Variants in NALF1 observed in about 807,000 individuals in gnomAD.
NALF1 encodes NALCN channel auxiliary factor 1, also known as family with sequence similarity 155 member A.
A neutral mutation model predicts 48.4 loss-of-function variants in NALF1; 3 were observed. The observed-to-expected ratio is 0.06, with a 90% confidence interval of 0.03 to 0.16. The LOEUF (loss-of-function observed/expected upper bound fraction) is 0.16, where lower values mean the gene tolerates loss of function less well. Among genes scored for constraint, NALF1 ranks in the 10% least tolerant of loss-of-function variants. NALF1 has a pLI of 1.00. For synonymous variants in NALF1, 262 were observed against 245.7 expected, an observed-to-expected ratio of 1.07 and a Z score of -0.62; for missense variants, 526 against 571.5, an observed-to-expected ratio of 0.92 and a Z score of 0.81.
chr13:107,386,698 T>C (rs1883536808), intron 1 of NALF1, among the ~76,000 whole-genome samples: 1 of 152,194 alleles, frequency 6.6e-6, no homozygotes, highest in Non-Finnish European at 1.5e-5. Flanking sequence ...TATGACACTG[T>C]CACAAATATG....
intron 1 of NALF1, among the ~76,000 whole-genome samples, chr13:107,257,781 T>C (rs1462636691): frequency 6.6e-6 from 1 of 151,850 alleles, no homozygotes; most frequent in African/African-American, 2.4e-5. Flanking sequence ...GTGATGGTGG[T>C]GGGAGGTAGG....
intron 1 of NALF1, among the ~76,000 whole-genome samples, chr13:107,564,585 A>G (rs963985149): frequency 1.3e-5 from 2 of 152,176 alleles, no homozygotes; most frequent in African/African-American, 4.8e-5. Flanking sequence ...CTGGACGCTG[A>G]TATTCTTCTG....
At chr13:107,249,419 TA>T (rs1277149581) in intron 1 of NALF1, among the ~76,000 whole-genome samples, 1 of 152,104 alleles carries the variant, frequency 6.6e-6, no homozygotes, top group Non-Finnish European at 1.5e-5. Context: ...TTCAGACAAA[TA>T]AAATTGCAAA....
intron 1 of NALF1, among the ~76,000 whole-genome samples, chr13:107,649,139 A>ATTCTC (rs1880385872): frequency 6.6e-6 from 1 of 152,124 alleles, no homozygotes; most frequent in Admixed American, 6.6e-5. Flanking sequence ...TTATTTCTTC[A>ATTCTC]TTCTCTTAAC....
intron 1 of NALF1, among the ~76,000 whole-genome samples, chr13:107,616,839 C>T (rs1162762113): frequency 1.3e-5 from 2 of 152,178 alleles, no homozygotes; most frequent in Non-Finnish European, 2.9e-5. Flanking sequence ...TTGCTGCATC[C>T]ACCTGCTCCT....
chr13:107,699,119 A>C (rs1881761015), intron 1 of NALF1, among the ~76,000 whole-genome samples: 2 of 152,180 alleles, frequency 1.3e-5, no homozygotes, highest in Non-Finnish European at 2.9e-5. Context: ...GAGAAAATAC[A>C]TTGTTACAAA....
At chr13:107,653,471 T>C (rs1239707407) in intron 1 of NALF1, among the ~76,000 whole-genome samples, 1 of 100,112 alleles carries the variant, frequency 1.0e-5, no homozygotes, top group Non-Finnish European at 2.1e-5. Context: ...CTGCTGTTCT[T>C]AGCAGAGAGG....
At chr13:107,240,906 C>CT (rs1201408909) in intron 1 of NALF1, among the ~76,000 whole-genome samples, 2 of 151,536 alleles carry the variant, frequency 1.3e-5, no homozygotes, top group East Asian at 1.9e-4. Flanking sequence ...TGTCTTAGTT[C>CT]TTTTTTTGCT....
chr13:107,763,130 A>G (rs1159851624), intron 1 of NALF1, among the ~76,000 whole-genome samples: 3 of 152,056 alleles, frequency 2.0e-5, no homozygotes, highest in Admixed American at 6.6e-5. Context: ...ACTTTTTGAA[A>G]CCATTTTATA....
chr13:107,741,006 A>G (rs1594238491), intron 1 of NALF1, among the ~76,000 whole-genome samples: 2 of 152,370 alleles, frequency 1.3e-5, no homozygotes, highest in Middle Eastern at 3.4e-3. Flanking sequence ...GTATTCATTT[A>G]TTCAATACAC....
intron 1 of NALF1, among the ~76,000 whole-genome samples, chr13:107,679,432 G>A (rs991136265): frequency 3.9e-5 from 6 of 152,248 alleles, no homozygotes; most frequent in Admixed American, 2.6e-4. Context: ...GTTAGATCCC[G>A]GGGGCTGGGT....
At chr13:107,190,057 A>G (rs1396662810) in intron 2 of NALF1, among the ~76,000 whole-genome samples, 1 of 152,196 alleles carries the variant, frequency 6.6e-6, no homozygotes, top group African/African-American at 2.4e-5. Context: ...CCTCTGTGAA[A>G]TGGCACTGAG....
intron 1 of NALF1, among the ~76,000 whole-genome samples, chr13:107,415,408 C>A (rs532778254): frequency 2.1e-4 from 31 of 150,404 alleles, no homozygotes; most frequent in Middle Eastern, 3.4e-3. Flanking sequence ...CTGTGTGAAA[C>A]AGACTTTTCT....
intron 1 of NALF1, among the ~76,000 whole-genome samples, chr13:107,410,850 G>A (rs1358657493): frequency 6.6e-6 from 1 of 152,144 alleles, no homozygotes; most frequent in East Asian, 1.9e-4. Context: ...TACAACCTCT[G>A]TCTGAATTTT....
intron 1 of NALF1, among the ~76,000 whole-genome samples, chr13:107,437,957 T>C (rs770649437): frequency 2.2e-4 from 33 of 152,322 alleles, no homozygotes; most frequent in South Asian, 1.2e-3. Context: ...TCAAAATTGA[T>C]AGAAGAACAA....
chr13:107,176,300 C>T (rs1463115572), intron 2 of NALF1, among the ~76,000 whole-genome samples: 1 of 145,764 alleles, frequency 6.9e-6, no homozygotes, highest in East Asian at 2.0e-4. Context: ...TTTGACATTA[C>T]AGTACCAACC....
chr13:107,295,568 A>G (rs898052603), intron 1 of NALF1, among the ~76,000 whole-genome samples: 3 of 152,120 alleles, frequency 2.0e-5, no homozygotes, highest in Admixed American at 2.0e-4. Context: ...TGAGACGACA[A>G]GTTCCTTCCC....
chr13:107,181,992 A>AT (rs1313905637), intron 2 of NALF1, among the ~76,000 whole-genome samples: 1 of 151,862 alleles, frequency 6.6e-6, no homozygotes, highest in East Asian at 1.9e-4. Context: ...AATTTTTTAA[A>AT]TTTTTTTCCA....
intron 1 of NALF1, among the ~76,000 whole-genome samples, chr13:107,839,862 T>C (rs1297446166): frequency 6.6e-6 from 1 of 152,188 alleles, no homozygotes; most frequent in Non-Finnish European, 1.5e-5. Flanking sequence ...TGAAATAGCA[T>C]AGTCTACAAT....
Sources: gnomAD v4.1 joint callset for allele counts (sites outside exome capture counted in the v4.1 genomes callset) on GRCh38, gnomAD v4.1.1 for gene constraint, MANE v1.5 for transcripts, NCBI Gene and HGNC (gene_info 2026-07-23, HGNC 2026-07-21) for gene names.